The following MYL7 variants were observed in gnomAD, a reference collection of about 807,000 sequenced individuals.
MYL7 encodes the protein myosin regulatory light chain 2, atrial isoform.
MYL7 carries 27 observed loss-of-function variants against 22.5 expected under a neutral mutation model. That is an observed-to-expected ratio of 1.20 (90% CI 0.89 to 1.66). MYL7 has a LOEUF of 1.66. MYL7 is among the 40% of genes most tolerant of loss of function. MYL7 has a pLI of 0.00. For missense variants in MYL7, 209 were observed against 226.8 expected (o/e 0.92, Z 0.50); for synonymous variants, 81 against 84.4 (o/e 0.96, Z 0.22).
At position 44,139,562 on chromosome 7, in the gene MYL7, G is replaced by A; in HGVS notation, c.385C>T (p.Gln129Ter). 1 of 1,608,028 alleles carries A rather than the reference G, an allele frequency of 6.2e-7. No homozygotes were observed. The highest frequency in any genetic ancestry group is 1.1e-5 in the South Asian group (1 of 90,162). ...TTGTCTGCCTGGGTCAGGAGAAGCT[G>A]CTTGAACCTGGGGGGTGAGGAGGGT... ...KGVVNKDEFK[Q>*]LLLTQADKFS... is the part of the protein sequence containing the mutation. Residue 129 changes from glutamine to a stop codon, truncating the protein, a stop_gained, in exon 6 of 7, where the codon CAG becomes TAG. Transcript: ENST00000223364. LOFTEE classifies it high-confidence loss of function.
chr7:44,140,962 TC>T lies in MYL7; in HGVS notation c.115del (p.Glu39LysfsTer19). On this transcript the variant is annotated frameshift_variant and splice_region_variant, in exon 2 of 7. Coordinates refer to ENST00000223364, the MANE Select transcript of MYL7 (RefSeq NM_021223.3). LOFTEE classifies it high-confidence loss of function. ...FEQAQIQEFK[E>X]AFSCIDQNRD... is the part of the protein sequence containing the mutation. ...AGGCTACTGGGAGTGGGCACTCACTTCTTTGAACTCCTGTATCTGGGCTTGT... is the reference window on the plus strand; with the variant it reads ...AGGCTACTGGGAGTGGGCACTCACTTTTTGAACTCCTGTATCTGGGCTTGT... 2 of 1,613,692 alleles carry T rather than the reference TC, an allele frequency of 1.2e-6. No individual in the cohort carries two copies. The highest frequency in any genetic ancestry group is 1.7e-6 in the Non-Finnish European group (2 of 1,179,818).
Position 44,138,920 on chromosome 7 carries a change from C to T in MYL7, c.*1G>A. Reference sequence around the variant, plus strand: ...CCCCCCCGTGGGCCTGGCCCTGCCCCTCATTCCTCTTTCTCGTCTCCATGG... The same window carrying T: ...CCCCCCCGTGGGCCTGGCCCTGCCCTTCATTCCTCTTTCTCGTCTCCATGG... On this transcript the variant is annotated 3_prime_UTR_variant, in exon 7 of 7. Transcript: ENST00000223364. 1 of 1,613,670 alleles carries T rather than the reference C, an allele frequency of 6.2e-7. No homozygotes were observed. Among genetic ancestry groups the T allele is most frequent in the Non-Finnish European group, 8.5e-7 (1 of 1,179,562 alleles).
intron 1 of MYL7, 75 bp from the exon 2 acceptor site, chr7:44,141,149 T>A: frequency 6.4e-7 from 1 of 1,564,974 alleles, no homozygotes; most frequent in South Asian, 1.1e-5. Flanking sequence ...TCATGCACAG[T>A]CCCAGAGCAT....
At chr7:44,139,934 G>T in intron 4 of MYL7, 74 bp from the exon 5 acceptor site, 2 of 1,334,612 alleles carry the variant, frequency 1.5e-6, no homozygotes, top group South Asian at 1.4e-5. Flanking sequence ...GAACTGGGCT[G>T]CATGAGGAGC....
intron 6 of MYL7, 37 bp from the exon 7 acceptor site, chr7:44,139,059 C>T: frequency 6.5e-7 from 1 of 1,547,340 alleles, no homozygotes; most frequent in Non-Finnish European, 8.9e-7. Flanking sequence ...TCCCCTGGCT[C>T]CTGGCCCAGC....
chr7:44,141,181 G>T (rs1239414027), intron 1 of MYL7, 107 bp from the exon 2 acceptor site: 7 of 1,573,602 alleles, frequency 4.4e-6, no homozygotes, highest in Non-Finnish European at 6.1e-6. Flanking sequence ...CCAGGGCCAG[G>T]ATCCTCTTCC....
chr7:44,138,964 G>T lies in MYL7; in HGVS notation c.485C>A (p.Ser162Ter). ...TCCATGGGTGATGATGTAGCACAGT[G>T]ACTTGTAGTCGATGTTCCCCGCCAG... ...MDLAGNIDYK[S>*]LCYIITHGDE... The change falls in exon 7 of 7, where the codon TCA becomes TAA. Residue 162 changes from serine (S) to a stop codon, truncating the protein, a stop_gained. Coordinates refer to ENST00000223364, the MANE Select transcript of MYL7 (RefSeq NM_021223.3). LOFTEE classifies it high-confidence loss of function. 4 of 1,614,160 alleles carry T rather than the reference G, an allele frequency of 2.5e-6. No individual in the cohort carries two copies. Among genetic ancestry groups the T allele is most frequent in the Non-Finnish European group, 3.4e-6 (4 of 1,180,018 alleles).
rs1483154592 is a variant in MYL7 at position 44,139,574 on chromosome 7, G to A, written c.378-5C>T. 6 of 1,604,296 alleles carry A rather than the reference G, an allele frequency of 3.7e-6. No homozygotes were observed. Among genetic ancestry groups the A allele is most frequent in the African/African-American group, 1.3e-5 (1 of 74,682 alleles). ...GTCAGGAGAAGCTGCTTGAACCTGGGGGGTGAGGAGGGTCTGAGCAGGAGA... is the reference window on the plus strand; with the variant it reads ...GTCAGGAGAAGCTGCTTGAACCTGGAGGGTGAGGAGGGTCTGAGCAGGAGA... On this transcript the variant is annotated splice_region_variant and splice_polypyrimidine_tract_variant and intron_variant, in intron 5 of 6. Transcript: ENST00000223364.
Position 44,139,874 on chromosome 7 carries a change from G to A in MYL7, c.299-14C>T, listed in dbSNP as rs369142745. 2 of 1,592,244 alleles carry A rather than the reference G, an allele frequency of 1.3e-6. No individual in the cohort carries two copies. Among genetic ancestry groups the A allele is most frequent in the Non-Finnish European group, 1.7e-6 (2 of 1,174,284 alleles). On this transcript the variant is annotated splice_polypyrimidine_tract_variant and intron_variant, in intron 4 of 6. Transcript: ENST00000223364. ...CGGGGTCTGTCCCTGGAAGGCCGAGGCAGCCAGGTGAGCATCCATGTCTCC... is the reference window on the plus strand; with the variant it reads ...CGGGGTCTGTCCCTGGAAGGCCGAGACAGCCAGGTGAGCATCCATGTCTCC...
chr7:44,139,320 G>T, intron 6 of MYL7: 1 of 720,782 alleles, frequency 1.4e-6, no homozygotes, highest in Non-Finnish European at 2.5e-6. Context: ...TCTGTGCACA[G>T]TCTCCCTGCC....
At chr7:44,141,249 C>G in intron 1 of MYL7, 54 bp downstream of exon 1, 7 of 1,614,002 alleles carry the variant, frequency 4.3e-6, no homozygotes, top group Non-Finnish European at 5.9e-6. Context: ...CTCCCCCAGC[C>G]CAAAGGCCAG....
rs1401589720 is a variant in MYL7, at chr7:44,138,935, C to T, written c.514G>A (p.Glu172Lys). The T allele has an allele frequency of 1.9e-6, 3 of 1,614,046 alleles. No homozygotes were observed. The highest frequency in any genetic ancestry group is 2.2e-5 in the East Asian group (1 of 44,864). ...SLCYIITHGD[E>K]KEE ...GGCCCTGCCCCTCATTCCTCTTTCT[C>T]GTCTCCATGGGTGATGATGTAGCAC... Residue 172 changes from glutamate to lysine, a missense_variant, in exon 7 of 7, where the codon GAG (glutamate) becomes AAG (lysine). Transcript: ENST00000223364.
Position 44,139,570 on chromosome 7 carries a change from C to A in MYL7, c.378-1G>T. The A allele has an allele frequency of 6.2e-7, 1 of 1,606,018 alleles. No homozygotes were observed. The highest frequency in any genetic ancestry group is 1.1e-5 in the South Asian group (1 of 89,802). On this transcript the variant is annotated splice_acceptor_variant, in intron 5 of 6. Coordinates refer to ENST00000223364, the MANE Select transcript of MYL7 (RefSeq NM_021223.3). LOFTEE classifies it high-confidence loss of function. ...CTGGGTCAGGAGAAGCTGCTTGAAC[C>A]TGGGGGGTGAGGAGGGTCTGAGCAG...
intron 3 of MYL7, 41 bp from the exon 4 acceptor site, chr7:44,140,468 G>A (rs1435447389): frequency 6.9e-7 from 1 of 1,450,272 alleles, no homozygotes; most frequent in Non-Finnish European, 9.2e-7. Context: ...GGGACCCTGG[G>A]TGTCCCCCAG....
intron 6 of MYL7, chr7:44,139,301 C>A: frequency 1.5e-6 from 1 of 682,564 alleles, no homozygotes; most frequent in African/African-American, 1.8e-5. Flanking sequence ...CTATCCACTT[C>A]CCCCCAGGTC....
rs375800847 is a variant in MYL7 at position 44,139,285 on chromosome 7, C to T, written c.426+236G>A. On this transcript the variant is annotated intron_variant, in intron 6 of 6. Transcript: ENST00000223364. ...CAGGCCCACCCCGAGTGTACGAAAC[C>T]TCTCCCTATCCACTTCCCCCCAGGT... 24 of 666,514 alleles carry T rather than the reference C, an allele frequency of 3.6e-5. No homozygotes were observed. In the African/African-American group the frequency reaches 4.1e-4, roughly 11 times the overall value. 41.3% of individuals were successfully genotyped at this position (666,514 alleles called of 1,614,324 possible). A position where few individuals can be genotyped will look rare whatever the true frequency, so the allele number is the denominator to read the frequency against.
intron 1 of MYL7, 46 bp downstream of exon 1, chr7:44,141,257 C>A (rs747580801): frequency 6.2e-7 from 1 of 1,614,018 alleles, no homozygotes; most frequent in Admixed American, 1.7e-5. Context: ...GCCCAAAGGC[C>A]AGCACCTGGG....
At chr7:44,139,198 A>G (rs895707226) in intron 6 of MYL7, among the ~76,000 whole-genome samples, 176 bp from the exon 7 acceptor site, 10 of 152,238 alleles carry the variant, frequency 6.6e-5, no homozygotes, top group Non-Finnish European at 1.3e-4. Context: ...GACTCTGGGC[A>G]GAGTGAGGAG....
In MYL7 at chr7:44,140,315, AG is replaced by A. The variant is rs751131902; in HGVS notation, c.298+7del. The A allele has an allele frequency of 9.9e-6, 16 of 1,612,664 alleles. No individual in the cohort carries two copies. The East Asian group carries it at 1.8e-4, about 18-fold the overall frequency. The stretch of plus-strand genomic sequence containing the variant: ...GGCCAAGGGTGCCCAGCTCTGTCCC[AG>A]GCTCACCATTGAGCTTCTCCCCAAA... On this transcript the variant is annotated splice_region_variant and intron_variant, in intron 4 of 6. Transcript: ENST00000223364.
Sources: gnomAD v4.1 joint callset for allele counts (sites outside exome capture counted in the v4.1 genomes callset) on GRCh38, gnomAD v4.1.1 for gene constraint, MANE v1.5 for transcripts, NCBI Gene and HGNC (gene_info 2026-07-23, HGNC 2026-07-21) for gene names.